The following SPIRE1 variants were observed in gnomAD, a reference collection of about 807,000 sequenced individuals.
The protein encoded by SPIRE1 is protein spire homolog 1.
A neutral mutation model predicts 94.1 loss-of-function variants in SPIRE1; 40 were observed. That is an observed-to-expected ratio of 0.43 (90% CI 0.33 to 0.55). The LOEUF (loss-of-function observed/expected upper bound fraction) is 0.55. Among genes scored for constraint, SPIRE1 ranks in the 20% least tolerant of loss-of-function variants. SPIRE1 has a pLI of 0.06. For missense variants in SPIRE1, 838 were observed against 975.2 expected (o/e 0.86, Z 1.87); for synonymous variants, 376 against 371.7 (o/e 1.01, Z -0.13).
chr18:12,652,065 C>T (rs772938410), intron 1 of SPIRE1, among the ~76,000 whole-genome samples: 8 of 152,254 alleles, frequency 5.3e-5, no homozygotes, highest in African/African-American at 1.2e-4. Flanking sequence ...TGTTGTCAGA[C>T]GGGTATTTAA....
At chr18:12,553,424 A>T (rs1350019556) in intron 2 of SPIRE1, among the ~76,000 whole-genome samples, 1 of 152,074 alleles carries the variant, frequency 6.6e-6, no homozygotes, top group East Asian at 1.9e-4. Context: ...CTCAATGAAC[A>T]TCAGCAGTAG....
chr18:12,518,304 T>C (rs1405973656), intron 4 of SPIRE1, among the ~76,000 whole-genome samples: 1 of 152,124 alleles, frequency 6.6e-6, no homozygotes, highest in African/African-American at 2.4e-5. Flanking sequence ...GCAACCACAC[T>C]GGGCAACATT....
chr18:12,520,913 T>C (rs533046392), intron 4 of SPIRE1, among the ~76,000 whole-genome samples: 2 of 152,284 alleles, frequency 1.3e-5, no homozygotes, highest in East Asian at 1.9e-4. Flanking sequence ...AGAAAATAAG[T>C]TGAAGTCATG....
At chr18:12,642,604 C>T (rs762543060) in intron 1 of SPIRE1, among the ~76,000 whole-genome samples, 9 of 152,194 alleles carry the variant, frequency 5.9e-5, no homozygotes, top group Non-Finnish European at 1.2e-4. Flanking sequence ...TTCTGAGTAA[C>T]AGTGGCTGTC....
chr18:12,582,558 G>C (rs2036283839), intron 2 of SPIRE1, among the ~76,000 whole-genome samples: 1 of 152,108 alleles, frequency 6.6e-6, no homozygotes, highest in Non-Finnish European at 1.5e-5. Context: ...AGAGTCGCAA[G>C]TGTGTCTCAA....
intron 2 of SPIRE1, among the ~76,000 whole-genome samples, chr18:12,616,320 A>G (rs183157905): frequency 1.0e-3 from 154 of 152,318 alleles, no homozygotes; most frequent in African/African-American, 3.6e-3. Context: ...AGAAGGCCAT[A>G]AGCCACGTGA....
At position 12,449,724 on chromosome 18, in the gene SPIRE1, A is replaced by G. The variant is rs1407443060; in HGVS notation, c.2185T>C (p.Leu729=). 1 of 1,614,126 alleles carries G rather than the reference A, an allele frequency of 6.2e-7. No homozygotes were observed. Among genetic ancestry groups the G allele is most frequent in the Non-Finnish European group, 8.5e-7 (1 of 1,180,028 alleles). ...SLVLANKRAR[L]KRKTQSFYMS... is the part of the protein sequence containing the mutation. ...TAGAAAGACTGCGTTTTCCTTTTCA[A>G]TCGGGCCCTTTTGTTGGCCAACACC... Residue 729 remains leucine (L), a synonymous_variant, in exon 17 of 17, where the codon TTG becomes CTG. Transcript: ENST00000409402.
intron 2 of SPIRE1, among the ~76,000 whole-genome samples, chr18:12,632,217 C>G (rs1031717481): frequency 1.3e-5 from 2 of 152,166 alleles, no homozygotes; most frequent in Non-Finnish European, 2.9e-5. Flanking sequence ...GAGAGGGTCT[C>G]AGAGACCACA....
At chr18:12,543,705 G>C (rs750193985) in intron 3 of SPIRE1, among the ~76,000 whole-genome samples, 8 of 152,172 alleles carry the variant, frequency 5.3e-5, no homozygotes, top group African/African-American at 9.7e-5. Context: ...ATTAAAGAGC[G>C]TCTTGCTTGC....
At chr18:12,488,948 G>A (rs907416465) in intron 8 of SPIRE1, among the ~76,000 whole-genome samples, 4 of 152,158 alleles carry the variant, frequency 2.6e-5, no homozygotes, top group African/African-American at 9.7e-5. Context: ...CACTTTCGGA[G>A]GCCGAGACGG....
chr18:12,557,545 G>A (rs2035552295), intron 2 of SPIRE1, among the ~76,000 whole-genome samples: 1 of 152,090 alleles, frequency 6.6e-6, no homozygotes. Context: ...CTCCCTGCAA[G>A]CAGAGGGAGC....
chr18:12,507,009 A>G (rs2033857535), intron 5 of SPIRE1, among the ~76,000 whole-genome samples: 1 of 152,104 alleles, frequency 6.6e-6, no homozygotes, highest in Non-Finnish European at 1.5e-5. Context: ...TGGCCACTGG[A>G]ATAGTGGTGG....
intron 4 of SPIRE1, among the ~76,000 whole-genome samples, chr18:12,524,059 C>T (rs1397235107): frequency 1.3e-5 from 2 of 152,010 alleles, no homozygotes; most frequent in Non-Finnish European, 2.9e-5. Context: ...TGCTTTATTG[C>T]AATATTTGTT....
At chr18:12,509,056 C>T (rs192770657) in intron 5 of SPIRE1, among the ~76,000 whole-genome samples, 1 of 152,270 alleles carries the variant, frequency 6.6e-6, no homozygotes, top group African/African-American at 2.4e-5. Flanking sequence ...AAATTAAAGT[C>T]ACAGTTATTA....
At chr18:12,595,001 G>T (rs1206692678) in intron 2 of SPIRE1, among the ~76,000 whole-genome samples, 1 of 152,118 alleles carries the variant, frequency 6.6e-6, no homozygotes, top group Admixed American at 6.5e-5. Context: ...TACAGGTCTG[G>T]GTGTGGTGGC....
rs570644161 is a variant in SPIRE1 at position 12,464,711 on chromosome 18, C to G, written c.1495+157G>C. Among the ~76,000 whole-genome samples, 8 of 152,290 alleles carry G rather than the reference C, an allele frequency of 5.3e-5. No individual in the cohort carries two copies. In the East Asian group the frequency reaches 1.5e-3, roughly 29 times the overall value. On this transcript the variant is annotated intron_variant, in intron 11 of 16. Coordinates refer to ENST00000409402, the MANE Select transcript of SPIRE1 (RefSeq NM_001128626.2). ...CCCCGAGGCCTGGTATGATGCCACT[C>G]TTGGAAAATAAGTATTTCATCTCCC... is the stretch of plus-strand genomic sequence containing the variant.
intron 10 of SPIRE1, among the ~76,000 whole-genome samples, chr18:12,476,372 C>T (rs71351483): frequency 3.3e-5 from 5 of 151,168 alleles, no homozygotes; most frequent in African/African-American, 9.7e-5. Flanking sequence ...AACCCCATCT[C>T]TAATAAAAAT....
chr18:12,556,072 T>C (rs1362750579), intron 2 of SPIRE1, among the ~76,000 whole-genome samples: 2 of 151,494 alleles, frequency 1.3e-5, no homozygotes, highest in African/African-American at 2.4e-5. Flanking sequence ...CCATTTACAA[T>C]AGCTACAAAA....
rs2031048839 is a variant in SPIRE1, at chr18:12,448,412, T to C, written c.*1226A>G. 1 of 152,610 alleles carries C rather than the reference T, an allele frequency of 6.6e-6. No homozygotes were observed. Among genetic ancestry groups the C allele is most frequent in the Non-Finnish European group, 1.5e-5 (1 of 68,038 alleles). The allele number at this position is 152,610 out of a possible 1,614,324, so 9.5% of individuals were successfully genotyped here. Reference sequence around the variant, plus strand: ...GACAATTTGATTGGTTAGTCATTTGTAAGCATACCAAAATAATACAGTATA... The same window carrying C: ...GACAATTTGATTGGTTAGTCATTTGCAAGCATACCAAAATAATACAGTATA... On this transcript the variant is annotated 3_prime_UTR_variant, in exon 17 of 17. Transcript: ENST00000409402. This position sits in a 1 kb window ranked among gnomAD's most constrained non-coding sequence, Gnocchi z 4.4.
Sources: gnomAD v4.1 joint callset for allele counts (sites outside exome capture counted in the v4.1 genomes callset) on GRCh38, gnomAD v4.1.1 for gene constraint, Gnocchi (gnomAD v3.1) non-coding constraint, MANE v1.5 for transcripts, NCBI Gene and HGNC (gene_info 2026-07-23, HGNC 2026-07-21) for gene names.